CNTNAP1: variants seen among roughly 807,000 people sequenced by gnomAD.
CNTNAP1 encodes the protein contactin associated protein 1.
Under a neutral mutation model 161.5 loss-of-function variants are expected in CNTNAP1, and 80 were observed. The observed-to-expected ratio is 0.50, with a 90% CI of 0.41 to 0.60. CNTNAP1 has a LOEUF of 0.60. Among genes scored for constraint, CNTNAP1 ranks in the 20% least tolerant of loss-of-function variants. The pLI is 0.00. For missense variants in CNTNAP1, 1,464 were observed against 1,854.8 expected, an observed-to-expected ratio of 0.79 and a Z score of 3.87; for synonymous variants, 695 against 733.1, an observed-to-expected ratio of 0.95 and a Z score of 0.84.
At position 42,682,899 on chromosome 17, in the gene CNTNAP1, G is replaced by A; in HGVS notation, c.67+3G>A. On this transcript the variant is annotated splice_donor_region_variant and intron_variant, in intron 1 of 23. Coordinates refer to ENST00000264638, the MANE Select transcript of CNTNAP1 (RefSeq NM_003632.3). Reference sequence around the variant, plus strand: ...AGGAGCCGAGGGCTGGGGCTACTGTGAGTGTTGGGCTTGGAGGCAGGTGGG... The same window carrying A: ...AGGAGCCGAGGGCTGGGGCTACTGTAAGTGTTGGGCTTGGAGGCAGGTGGG... The A allele has an allele frequency of 6.3e-7, 1 of 1,599,106 alleles. No homozygotes were observed. Among genetic ancestry groups the A allele is most frequent in the Non-Finnish European group, 8.5e-7 (1 of 1,173,958 alleles).
chr17:42,684,799 G>T (rs1002512954), intron 3 of CNTNAP1, among the ~76,000 whole-genome samples, 192 bp from the exon 4 acceptor site: 1 of 151,930 alleles, frequency 6.6e-6, no homozygotes, highest in Non-Finnish European at 1.5e-5. Context: ...AGTGGCGGGC[G>T]CCTGTAATCC....
chr17:42,686,022 C>A lies in CNTNAP1; in HGVS notation c.781C>A (p.Gln261Lys). Residue 261 changes from glutamine (Q) to lysine (K), a missense_variant, in exon 6 of 24, where the codon CAG becomes AAG. Around this residue, in one of 3 missense-constraint regions of CNTNAP1, gnomAD observed 1,383 missense variants for 1,765.0 expected, o/e 0.78. Transcript: ENST00000264638. ...GAGCGCAGGCGGAGTCCTCAATGAC[C>A]AGCACTGGCACTATGTGCGGGTGGA... Reference protein sequence around the residue: ...TVSAGGVLNDQHWHYVRVDRF... With the variant: ...TVSAGGVLNDKHWHYVRVDRF... The A allele has an allele frequency of 6.2e-7, 1 of 1,614,144 alleles. No homozygotes were observed. The highest frequency in any genetic ancestry group is 8.5e-7 in the Non-Finnish European group (1 of 1,180,028).
Position 42,697,812 on chromosome 17 carries a change from G to A in CNTNAP1, c.3814+13G>A. 3.7e-6 allele frequency: 6 copies of A among 1,614,168 alleles called. No homozygotes were observed. The highest frequency in any genetic ancestry group is 5.1e-6 in the Non-Finnish European group (6 of 1,180,042). ...TATCTGCCCCCAGGTACATTCCCAG[G>A]ACACAGAGGACAGAAGGGAGGGATG... is the stretch of plus-strand genomic sequence containing the variant. On this transcript the variant is annotated intron_variant, in intron 22 of 23. Coordinates refer to ENST00000264638, the MANE Select transcript of CNTNAP1 (RefSeq NM_003632.3).
rs1477696024 is a variant in CNTNAP1, at chr17:42,698,812, C to CCAGCCT, written c.4063_4068dup (p.Ser1355_Ala1356dup). 1.9e-6 allele frequency: 3 copies of CCAGCCT among 1,607,890 alleles called. No individual in the cohort carries two copies. The highest frequency in any genetic ancestry group is 2.5e-6 in the Non-Finnish European group (3 of 1,179,690). On this transcript the variant is annotated inframe_insertion, in exon 24 of 24. Coordinates refer to ENST00000264638, the MANE Select transcript of CNTNAP1 (RefSeq NM_003632.3). Reference sequence around the variant, plus strand: ...CCCTACAGCAGCTCCCAACCAAGCTCCAGCCTCAGCCCCAGCCCCAGCCCC... The same window carrying CCAGCCT: ...CCCTACAGCAGCTCCCAACCAAGCTCCAGCCTCAGCCTCAGCCCCAGCCCCAGCCCC...
At chr17:42,688,667 A>G (rs2053048769) in intron 9 of CNTNAP1, 56 bp downstream of exon 9, 3 of 1,609,308 alleles carry the variant, frequency 1.9e-6, no homozygotes, top group Non-Finnish European at 2.5e-6. Context: ...GGCTCCATCT[A>G]AGTCCACCCA....
In CNTNAP1 at chr17:42,698,598, G is replaced by A; in HGVS notation, c.3863-20G>A. The A allele has an allele frequency of 1.9e-6, 3 of 1,572,478 alleles. No homozygotes were observed. In the East Asian group the frequency reaches 6.8e-5, roughly 35 times the overall value. ...AGGTGAGATCCCAAAGATCTGAATT[G>A]TCCCTTTTCTTCTTTTCAGTTTTGG... On this transcript the variant is annotated intron_variant, in intron 23 of 23. Transcript: ENST00000264638.
At position 42,695,604 on chromosome 17, in the gene CNTNAP1, C is replaced by T. The variant is rs1461590726; in HGVS notation, c.3076C>T (p.His1026Tyr). Reference protein sequence around the residue: ...ALRSAAREFSHMLSRPVPGYE... With the variant: ...ALRSAAREFSYMLSRPVPGYE... ...GCGCTCTGCAGCCAGGGAGTTCTCC[C>T]ACATGCTGAGCCGGCCAGTGCCAGG... The change falls in exon 19 of 24, where the codon CAC (histidine) becomes TAC (tyrosine). Residue 1026 changes from histidine (H) to tyrosine (Y), a missense_variant. Physicochemically the swap from His to Tyr is moderately conservative, Grantham distance 83. Around this residue, in one of 3 missense-constraint regions of CNTNAP1, gnomAD observed 1,383 missense variants for 1,765.0 expected, o/e 0.78. Coordinates refer to ENST00000264638, the MANE Select transcript of CNTNAP1 (RefSeq NM_003632.3). The T allele has an allele frequency of 1.2e-6, 2 of 1,614,192 alleles. No homozygotes were observed.
chr17:42,697,245 C>T (rs751882756), intron 20 of CNTNAP1, 29 bp from the exon 21 acceptor site: 7 of 1,518,068 alleles, frequency 4.6e-6, no homozygotes, highest in Admixed American at 3.3e-5. Context: ...GCTCCCTCAT[C>T]GCCCTCCCCC....
chr17:42,698,768 G>T lies in CNTNAP1; in HGVS notation c.4013G>T (p.Gly1338Val). ...AGCAAACCTCCCCTACCCACTTCAG[G>T]CCCTGCCCAGGTCCCCACCCCTACA... Reference protein sequence around the residue: ...PGSKPPLPTSGPAQVPTPTAA... With the variant: ...PGSKPPLPTSVPAQVPTPTAA... The change falls in exon 24 of 24, where the codon GGC (glycine) becomes GTC (valine). Residue 1338 changes from glycine (G) to valine (V), a missense_variant. Around this residue, in one of 3 missense-constraint regions of CNTNAP1, gnomAD observed 1,383 missense variants for 1,765.0 expected, o/e 0.78. Transcript: ENST00000264638. 1 of 1,612,430 alleles carries T rather than the reference G, an allele frequency of 6.2e-7. No homozygotes were observed.
chr17:42,694,195 G>A (rs907831054), intron 18 of CNTNAP1, among the ~76,000 whole-genome samples: 4 of 146,156 alleles, frequency 2.7e-5, no homozygotes, highest in Non-Finnish European at 4.5e-5. Flanking sequence ...TTTTGAGACT[G>A]AGTTTCACTC....
rs751141752 is a variant in CNTNAP1, at chr17:42,691,837, C to G, written c.2376C>G (p.Thr792=). The G allele has an allele frequency of 5.0e-6, 8 of 1,614,078 alleles. No homozygotes were observed. The East Asian group carries it at 1.8e-4, about 36-fold the overall frequency. Residue 792 remains threonine (T), a synonymous_variant, in exon 16 of 24, where the codon ACC becomes ACG. Transcript: ENST00000264638. This position sits in a 1 kb window ranked among gnomAD's most constrained non-coding sequence, Gnocchi z 4.3. ...RNSWNTISFH[T]GAALRFPPIR... ...CCTGGAACACCATTTCCTTCCACAC[C>G]GGGGCTGCACTACGCTTCCCCCCAA... is the stretch of plus-strand genomic sequence containing the variant.
chr17:42,689,140 C>T, intron 10 of CNTNAP1, 93 bp downstream of exon 10: 1 of 1,285,310 alleles, frequency 7.8e-7, no homozygotes, highest in Non-Finnish European at 1.1e-6. Flanking sequence ...TCTCCCTTCT[C>T]CTTGTCTCTG....
At chr17:42,692,240 T>C (rs2053096683) in intron 16 of CNTNAP1, among the ~76,000 whole-genome samples, 1 of 152,196 alleles carries the variant, frequency 6.6e-6, no homozygotes, top group South Asian at 2.1e-4. Flanking sequence ...TTCGAGTCCC[T>C]CTCACCGCTG....
chr17:42,693,839 T>TGGCAAGA (rs2053122377), intron 18 of CNTNAP1, among the ~76,000 whole-genome samples: 1 of 151,726 alleles, frequency 6.6e-6, no homozygotes, highest in African/African-American at 2.4e-5. Context: ...CTGGGCAACA[T>TGGCAAGA]GGCAAGACCC....
chr17:42,691,379 C>T lies in CNTNAP1; in HGVS notation c.2217-5C>T. On this transcript the variant is annotated splice_region_variant and splice_polypyrimidine_tract_variant and intron_variant, in intron 14 of 23. Transcript: ENST00000264638. This position sits in a 1 kb window ranked among gnomAD's most constrained non-coding sequence, Gnocchi z 4.3. ...GGGCTGAGCCATGACATCCTGCCCC[C>T]ACAGGAGAACTGACAAGGGACTGCT... The T allele has an allele frequency of 1.2e-6, 2 of 1,614,114 alleles. No homozygotes were observed. Among genetic ancestry groups the T allele is most frequent in the Middle Eastern group, 1.6e-4 (1 of 6,062 alleles).
chr17:42,691,001 A>G lies in CNTNAP1; in HGVS notation c.2059+59A>G. The G allele has an allele frequency of 1.2e-6, 2 of 1,606,184 alleles. No individual in the cohort carries two copies. Among genetic ancestry groups the G allele is most frequent in the Non-Finnish European group, 8.5e-7 (1 of 1,174,174 alleles). ...GAGGAGACACCAATGGGGGCCTGGG[A>G]GAAGGAAGCCAGAGAGCCAGCTGGG... On this transcript the variant is annotated intron_variant, in intron 13 of 23. Coordinates refer to ENST00000264638, the MANE Select transcript of CNTNAP1 (RefSeq NM_003632.3). This position sits in a 1 kb window ranked among gnomAD's most constrained non-coding sequence, Gnocchi z 4.3.
intron 3 of CNTNAP1, 124 bp from the exon 4 acceptor site, chr17:42,684,867 G>A: frequency 1.8e-6 from 2 of 1,137,166 alleles, no homozygotes; most frequent in Non-Finnish European, 2.4e-6. Flanking sequence ...AGAGGTTGCG[G>A]TGAGCCGAGA....
chr17:42,684,325 G>C (rs1597803340), intron 3 of CNTNAP1, 96 bp downstream of exon 3: 1 of 1,220,270 alleles, frequency 8.2e-7, no homozygotes, highest in South Asian at 1.4e-5. Context: ...GGGGGTGGTG[G>C]TGAGGGCTCG....
At chr17:42,689,817 T>G in intron 11 of CNTNAP1, 190 bp downstream of exon 11, 2 of 592,482 alleles carry the variant, frequency 3.4e-6, no homozygotes, top group African/African-American at 3.7e-5. Context: ...CTGGGCTCGC[T>G]GCAACCTCTG....
Sources: gnomAD v4.1 joint callset for allele counts (sites outside exome capture counted in the v4.1 genomes callset) on GRCh38, gnomAD v4.1.1 for gene constraint, gnomAD v4.1.1 regional missense constraint, Gnocchi (gnomAD v3.1) non-coding constraint, MANE v1.5 for transcripts, NCBI Gene and HGNC (gene_info 2026-07-23, HGNC 2026-07-21) for gene names.